The following PCDHGB6 variants were observed in gnomAD, a reference collection of about 807,000 sequenced individuals.
PCDHGB6 encodes protocadherin gamma-B6.
PCDHGB6 carries 51 observed loss-of-function variants against 59.1 expected under a neutral mutation model. The observed-to-expected ratio is 0.86, with a 90% confidence interval of 0.69 to 1.09. The LOEUF (loss-of-function observed/expected upper bound fraction) is 1.09, where lower values mean the gene tolerates loss of function less well. Ranked by LOEUF, PCDHGB6 falls within the 50% of genes least tolerant of loss-of-function variation. The probability of loss-of-function intolerance (pLI) is 0.00; values close to 1 mark genes in which losing one functional copy is unlikely to be tolerated. For synonymous variants in PCDHGB6, 466 were observed against 495.1 expected (o/e 0.94, Z 0.78); for missense variants, 1,148 against 1,205.1 (o/e 0.95, Z 0.70).
intron 1 of PCDHGB6, chr5:141,415,733 T>C: frequency 7.1e-7 from 1 of 1,407,484 alleles, no homozygotes; most frequent in Non-Finnish European, 9.3e-7. Context: ...ATTTGATGTT[T>C]ATTAAGGTTT....
Position 141,447,179 on chromosome 5 carries a change from G to A in PCDHGB6, c.2418+36559G>A, listed in dbSNP as rs558348683. ...GTTTAAGCGGGGTCTTGCTCTTGTC[G>A]CGCAGGCTGGAGTGCAATGGCTTGA... On this transcript the variant is annotated intron_variant, in intron 1 of 3. Transcript: ENST00000520790. 4.6e-4 allele frequency among the ~76,000 whole-genome samples: 70 copies of A among 151,826 alleles called. 1 individual carries two copies. The highest frequency in any genetic ancestry group is 3.9e-4 in the East Asian group (2 of 5,158).
At chr5:141,421,789 G>A (rs756677817) in intron 1 of PCDHGB6, 5 of 1,613,830 alleles carry the variant, frequency 3.1e-6, no homozygotes, top group East Asian at 2.2e-5. Context: ...GGGCAGAACG[G>A]ATGGGGCCAA....
At chr5:141,500,914 G>T (rs1237339394) in intron 2 of PCDHGB6, among the ~76,000 whole-genome samples, 2 of 151,130 alleles carry the variant, frequency 1.3e-5, no homozygotes, top group Non-Finnish European at 2.9e-5. Flanking sequence ...CTGTCTCCAG[G>T]CTGGGGTGCA....
intron 1 of PCDHGB6, among the ~76,000 whole-genome samples, chr5:141,437,886 C>T (rs763669578): frequency 1.1e-4 from 17 of 152,140 alleles, no homozygotes; most frequent in Non-Finnish European, 1.5e-4. Context: ...TACAGGCACA[C>T]GCCACCACAC....
chr5:141,452,710 G>GAAGT (rs1343622540), intron 1 of PCDHGB6, among the ~76,000 whole-genome samples: 1 of 151,996 alleles, frequency 6.6e-6, no homozygotes, highest in Non-Finnish European at 1.5e-5. Flanking sequence ...AGAAAGGAAG[G>GAAGT]AATGAGGGAG....
At chr5:141,504,995 G>A (rs1214858212) in intron 2 of PCDHGB6, among the ~76,000 whole-genome samples, 6 of 151,980 alleles carry the variant, frequency 3.9e-5, no homozygotes, top group African/African-American at 1.5e-4. Context: ...AACCCCGTCT[G>A]TACTAAAAAT....
chr5:141,443,733 C>T (rs7723254), intron 1 of PCDHGB6, among the ~76,000 whole-genome samples: 16,856 of 152,062 alleles, frequency 0.11, 1,109 homozygotes, highest in African/African-American at 0.17. Context: ...TCATACATTT[C>T]CCTATCAGTG....
rs2099396190 is a variant in PCDHGB6 at position 141,476,685 on chromosome 5, G to A, written c.2419-18122G>A. On this transcript the variant is annotated intron_variant, in intron 1 of 3. Coordinates refer to ENST00000520790, the MANE Select transcript of PCDHGB6 (RefSeq NM_018926.3). This position sits in a 1 kb window ranked among gnomAD's most constrained non-coding sequence, Gnocchi z 7.6. ...CTTCGCGTGCAGACGCGGGAGGACA[G>A]CACCAAGTACGCGGAGCTGGTGTTG... 3.1e-6 allele frequency: 5 copies of A among 1,614,102 alleles called. No homozygotes were observed.
chr5:141,415,752 T>G lies in PCDHGB6; in HGVS notation c.2418+5132T>G, dbSNP rs981275270. ...GATGTTTATTAAGGTTTTTTTTTTT[T>G]TTTTTTTTTTTTTTTTTTTTACTTT... On this transcript the variant is annotated intron_variant, in intron 1 of 3. Transcript: ENST00000520790. 5.6e-5 allele frequency: 77 copies of G among 1,372,446 alleles called. No individual in the cohort carries two copies. In the East Asian group the frequency reaches 6.8e-4, roughly 12 times the overall value. 85.0% of individuals were successfully genotyped at this position (1,372,446 alleles called of 1,614,324 possible).
chr5:141,421,557 C>T (rs764010392), intron 1 of PCDHGB6: 1 of 1,613,932 alleles, frequency 6.2e-7, no homozygotes, highest in South Asian at 1.1e-5. Context: ...TGGAACTTCT[C>T]GTGGAAGACA....
intron 1 of PCDHGB6, among the ~76,000 whole-genome samples, chr5:141,465,040 C>T (rs1396261200): frequency 6.6e-6 from 1 of 151,842 alleles, no homozygotes; most frequent in Non-Finnish European, 1.5e-5. Context: ...CCACAAATGA[C>T]CCTATATATT....
rs1460703461 is a variant in PCDHGB6 at position 141,490,596 on chromosome 5, C to G, written c.2419-4211C>G. 2.5e-6 allele frequency: 4 copies of G among 1,614,052 alleles called. No homozygotes were observed. The African/African-American group carries it at 4.0e-5, about 16-fold the overall frequency. On this transcript the variant is annotated intron_variant, in intron 1 of 3. Transcript: ENST00000520790. The surrounding 1 kb of genome is among the most constrained non-coding windows in gnomAD (Gnocchi z 5.4). Reference sequence around the variant, plus strand: ...TTTCAGATGTCAATGACAATGCACCCCGCTTCAACCAGCAGCTTTACACTG... The same window carrying G: ...TTTCAGATGTCAATGACAATGCACCGCGCTTCAACCAGCAGCTTTACACTG...
chr5:141,464,519 A>G (rs974292961), intron 1 of PCDHGB6, among the ~76,000 whole-genome samples: 21 of 152,058 alleles, frequency 1.4e-4, no homozygotes, highest in African/African-American at 4.1e-4. Context: ...AGGTAAAGGC[A>G]TATGTAGTTT....
At chr5:141,440,558 T>C (rs546919141) in intron 1 of PCDHGB6, 1 of 152,350 alleles carries the variant, frequency 6.6e-6, no homozygotes, top group East Asian at 1.9e-4. Context: ...TGTTATTAAG[T>C]TACGTATCTC....
chr5:141,486,561 T>C lies in PCDHGB6; in HGVS notation c.2419-8246T>C. ...TTCTTTCAGAGGTCACATGAGGTGT[T>C]TGTTCCTGAGAACAATCGCCCAGGG... On this transcript the variant is annotated intron_variant, in intron 1 of 3. Transcript: ENST00000520790. This position sits in a 1 kb window ranked among gnomAD's most constrained non-coding sequence, Gnocchi z 5.0. 6.2e-7 allele frequency: 1 copy of C among 1,614,076 alleles called. No individual in the cohort carries two copies. Among genetic ancestry groups the C allele is most frequent in the Non-Finnish European group, 8.5e-7 (1 of 1,180,030 alleles).
chr5:141,436,099 T>C (rs1400528271), intron 1 of PCDHGB6, among the ~76,000 whole-genome samples: 1 of 152,128 alleles, frequency 6.6e-6, no homozygotes, highest in Non-Finnish European at 1.5e-5. Flanking sequence ...TTGAGAGAAA[T>C]AGAGGACAAT....
At position 141,409,348 on chromosome 5, in the gene PCDHGB6, C is replaced by T. The variant is rs115471135; in HGVS notation, c.1146C>T (p.Val382=). The T allele has an allele frequency of 4.7e-4, 755 of 1,614,018 alleles. 4 individuals carry two copies. The African/African-American group carries it at 8.3e-3, about 18-fold the overall frequency. Residue 382 remains valine, a synonymous_variant, in exon 1 of 4, where the codon GTC becomes GTT. Coordinates refer to ENST00000520790, the MANE Select transcript of PCDHGB6 (RefSeq NM_018926.3). The part of the protein sequence containing the change: ...RDLDFGGNGE[V]RCNIETDIPF... Reference sequence around the variant, plus strand: ...TGGATTTCGGAGGAAATGGAGAAGTCAGGTGTAATATAGAAACAGACATTC... The same window carrying T: ...TGGATTTCGGAGGAAATGGAGAAGTTAGGTGTAATATAGAAACAGACATTC...
At chr5:141,466,094 C>T (rs1462266046) in intron 1 of PCDHGB6, among the ~76,000 whole-genome samples, 1 of 152,040 alleles carries the variant, frequency 6.6e-6, no homozygotes, top group Non-Finnish European at 1.5e-5. Flanking sequence ...TGCACTCCAG[C>T]CTGGGCAACA....
chr5:141,487,392 G>A lies in PCDHGB6; in HGVS notation c.2419-7415G>A, dbSNP rs773126086. 2 of 1,614,176 alleles carry A rather than the reference G, an allele frequency of 1.2e-6. No individual in the cohort carries two copies. Among genetic ancestry groups the A allele is most frequent in the Non-Finnish European group, 1.7e-6 (2 of 1,180,024 alleles). On this transcript the variant is annotated intron_variant, in intron 1 of 3. Transcript: ENST00000520790. This position sits in a 1 kb window ranked among gnomAD's most constrained non-coding sequence, Gnocchi z 5.0. ...GCCTGTCTCACCAGATCTCGAAGGA[G>A]GGAGGGGCTTCCCCCTTCCAATGGG...
Sources: allele counts gnomAD v4.1 joint callset (sites outside exome capture counted in the v4.1 genomes callset), GRCh38; gene constraint gnomAD v4.1.1; non-coding constraint Gnocchi (gnomAD v3.1); transcripts MANE v1.5; gene names NCBI Gene and HGNC (gene_info 2026-07-23, HGNC 2026-07-21).